Variants in LMO7 observed in about 807,000 individuals in gnomAD.
LMO7 encodes LIM domain only protein 7.
Under a neutral mutation model 206.5 loss-of-function variants are expected in LMO7, and 120 were observed. That is an observed-to-expected ratio of 0.58 (90% confidence interval 0.50 to 0.68). The LOEUF is 0.68. LMO7 is among the 30% of genes least tolerant of loss of function. The probability of loss-of-function intolerance (pLI) is 0.00; values close to 1 mark genes in which losing one functional copy is unlikely to be tolerated. For missense variants in LMO7, 1,959 were observed against 1,957.9 expected (o/e 1.00, Z -0.01); for synonymous variants, 706 against 681.5 (o/e 1.04, Z -0.56).
intron 4 of LMO7, among the ~76,000 whole-genome samples, chr13:75,791,092 C>A (rs1319504706): frequency 6.6e-6 from 1 of 151,608 alleles, no homozygotes; most frequent in African/African-American, 2.4e-5. Flanking sequence ...ATTTTTAATG[C>A]AGATTTGGAT....
At chr13:75,718,441 G>A (rs1004993226) in intron 2 of LMO7, among the ~76,000 whole-genome samples, 6 of 152,272 alleles carry the variant, frequency 3.9e-5, no homozygotes, top group Non-Finnish European at 5.9e-5. Context: ...AGGTCCCTCC[G>A]TTAGATTCCT....
chr13:75,744,728 G>A (rs554672505), intron 3 of LMO7, among the ~76,000 whole-genome samples: 10 of 152,264 alleles, frequency 6.6e-5, no homozygotes, highest in South Asian at 4.2e-4. Flanking sequence ...ACTATGTGTC[G>A]GGCACTGTTT....
chr13:75,725,180 C>T (rs902272608), intron 2 of LMO7, among the ~76,000 whole-genome samples: 1 of 151,952 alleles, frequency 6.6e-6, no homozygotes, highest in Admixed American at 6.6e-5. Context: ...TCTTATGAAA[C>T]CTGTAATATA....
chr13:75,675,265 G>T (rs531050795), intron 1 of LMO7, among the ~76,000 whole-genome samples: 2 of 151,838 alleles, frequency 1.3e-5, no homozygotes, highest in African/African-American at 4.8e-5. Context: ...GTAGAGACGG[G>T]GTTTCACCAT....
At chr13:75,779,979 C>G (rs545699422) in intron 4 of LMO7, among the ~76,000 whole-genome samples, 1 of 152,014 alleles carries the variant, frequency 6.6e-6, no homozygotes, top group Non-Finnish European at 1.5e-5. Flanking sequence ...CCCCCTGAGC[C>G]GCAAAACCAG....
chr13:75,796,562 C>G (rs538127564), intron 5 of LMO7, 74 bp from the exon 6 acceptor site: 442 of 790,930 alleles, frequency 5.6e-4, no homozygotes, highest in South Asian at 1.4e-3. Flanking sequence ...ATCTACAGTA[C>G]TCACCTATAT....
At chr13:75,844,181 G>T (rs2139335948) in intron 25 of LMO7, among the ~76,000 whole-genome samples, 1 of 152,186 alleles carries the variant, frequency 6.6e-6, no homozygotes, top group East Asian at 1.9e-4. Context: ...TGCCCTAGAG[G>T]CATCAAGGAG....
Position 75,776,112 on chromosome 13 carries a change from T to TATATATAC in LMO7, c.317+15075_317+15076insTATATACA, listed in dbSNP as rs1491138251. Among the ~76,000 whole-genome samples the TATATATAC allele has an allele frequency of 2.0e-3, 152 of 77,280 alleles. 2 individuals carry two copies. Among genetic ancestry groups the TATATATAC allele is most frequent in the Middle Eastern group, 0.012 (2 of 166 alleles). The allele number at this position is 77,280 out of a possible 152,430, so 50.7% of individuals were successfully genotyped here. A position where few individuals can be genotyped will look rare whatever the true frequency, so the allele number is the denominator to read the frequency against. The stretch of plus-strand genomic sequence containing the variant: ...TGTTGTGGATATATATATATATATA[T>TATATATAC]ACATACATACATACATATATATATA... On this transcript the variant is annotated intron_variant, in intron 4 of 30. Coordinates refer to ENST00000377534, the MANE Select transcript of LMO7 (RefSeq NM_001306080.2).
chr13:75,807,113 C>T, intron 9 of LMO7: 1 of 192,992 alleles, frequency 5.2e-6, no homozygotes. Context: ...GAGTGAGACT[C>T]TGTCTCAGAA....
intron 1 of LMO7, among the ~76,000 whole-genome samples, chr13:75,676,449 T>A (rs903253383): frequency 5.3e-5 from 8 of 152,186 alleles, no homozygotes; most frequent in Non-Finnish European, 1.2e-4. Flanking sequence ...AACTTGTAAG[T>A]GTCTTTGCAG....
At chr13:75,648,026 C>T (rs1337399145) in intron 1 of LMO7, among the ~76,000 whole-genome samples, 6 of 133,682 alleles carry the variant, frequency 4.5e-5, no homozygotes, top group Admixed American at 9.0e-5. Context: ...TAGCTGACTA[C>T]AGGCTTGAAT....
rs750753512 is a variant in LMO7 at position 75,819,393 on chromosome 13, G to A, written c.2065G>A (p.Asp689Asn). 7 of 1,600,862 alleles carry A rather than the reference G, an allele frequency of 4.4e-6. No homozygotes were observed. Among genetic ancestry groups the A allele is most frequent in the Non-Finnish European group, 6.0e-6 (7 of 1,175,668 alleles). Reference protein sequence around the residue: ...LKEQDQKWQDDLAKWKDRRKS... With the variant: ...LKEQDQKWQDNLAKWKDRRKS... ...CCTGCTGATGTGATTTTTCTGTCAG[G>A]ACCTTGCAAAATGGAAAGATCGTCG... The change falls in exon 13 of 31, where the codon GAC (aspartate) becomes AAC (asparagine). Residue 689 changes from aspartate (D) to asparagine (N), a missense_variant and splice_region_variant. Asp to Asn is a conservative substitution (Grantham distance 23). Coordinates refer to ENST00000377534, the MANE Select transcript of LMO7 (RefSeq NM_001306080.2).
At chr13:75,751,464 C>G (rs1316100939) in intron 3 of LMO7, among the ~76,000 whole-genome samples, 1 of 151,982 alleles carries the variant, frequency 6.6e-6, no homozygotes, top group Non-Finnish European at 1.5e-5. Context: ...CTGACCAGCT[C>G]TTTTTTAAAT....
chr13:75,736,179 T>C (rs1439007815), intron 3 of LMO7, among the ~76,000 whole-genome samples: 1 of 152,250 alleles, frequency 6.6e-6, no homozygotes, highest in Non-Finnish European at 1.5e-5. Context: ...ATTTTATCTT[T>C]AGAAATTAAA....
chr13:75,713,523 G>T (rs1422766033), intron 2 of LMO7, among the ~76,000 whole-genome samples: 6 of 152,240 alleles, frequency 3.9e-5, no homozygotes, highest in African/African-American at 1.4e-4. Context: ...GTGGGCCAGT[G>T]GGGGGTGGGT....
At chr13:75,716,185 G>A (rs1226897370) in intron 2 of LMO7, among the ~76,000 whole-genome samples, 1 of 152,100 alleles carries the variant, frequency 6.6e-6, no homozygotes, top group East Asian at 1.9e-4. Flanking sequence ...AAATCCATTA[G>A]TAGTACTCTT....
At chr13:75,750,431 C>T (rs2047186902) in intron 3 of LMO7, among the ~76,000 whole-genome samples, 1 of 148,248 alleles carries the variant, frequency 6.7e-6, no homozygotes, top group African/African-American at 2.5e-5. Flanking sequence ...GCTTTATTGC[C>T]CAGGCTGGAA....
intron 4 of LMO7, among the ~76,000 whole-genome samples, chr13:75,766,670 T>G (rs563557464): frequency 2.1e-4 from 32 of 152,242 alleles, no homozygotes; most frequent in African/African-American, 7.2e-4. Context: ...ATCAGGAAAC[T>G]CATCTAATTG....
chr13:75,857,849 A>T (rs1192780779), intron 30 of LMO7, 72 bp from the exon 31 acceptor site: 22 of 1,036,352 alleles, frequency 2.1e-5, no homozygotes, highest in Non-Finnish European at 2.4e-5. Flanking sequence ...GATGACTGCT[A>T]TGTATCCCAG....
Sources: gnomAD v4.1 joint callset for allele counts (sites outside exome capture counted in the v4.1 genomes callset) on GRCh38, gnomAD v4.1.1 for gene constraint, MANE v1.5 for transcripts, NCBI Gene and HGNC (gene_info 2026-07-23, HGNC 2026-07-21) for gene names.